Variants in MACROD1 observed in about 807,000 individuals in gnomAD.
MACROD1 encodes mono-ADP ribosylhydrolase 1.
In MACROD1, 31 loss-of-function variants were observed where a neutral mutation model predicts 41.4. That is an observed-to-expected ratio of 0.75 (90% CI 0.56 to 1.01). MACROD1 has a LOEUF of 1.01. Ranked by LOEUF, MACROD1 falls within the 50% of genes least tolerant of loss-of-function variation. MACROD1 has a pLI of 0.00. For missense variants in MACROD1, 473 were observed against 460.0 expected, an observed-to-expected ratio of 1.03 and a Z score of -0.26; for synonymous variants, 252 against 203.4, an observed-to-expected ratio of 1.24 and a Z score of -2.03.
intron 3 of MACROD1, among the ~76,000 whole-genome samples, chr11:64,112,862 G>A (rs1215063788): frequency 6.6e-6 from 1 of 152,238 alleles, no homozygotes; most frequent in Non-Finnish European, 1.5e-5. Context: ...CCTGGGCAGA[G>A]ACCCTGTAAG....
intron 3 of MACROD1, among the ~76,000 whole-genome samples, chr11:64,098,967 T>C (rs1218968100): frequency 6.6e-6 from 1 of 152,234 alleles, no homozygotes; most frequent in Admixed American, 6.5e-5. Flanking sequence ...TAGGAATTAA[T>C]ATCAGAGAGC....
intron 3 of MACROD1, among the ~76,000 whole-genome samples, chr11:64,100,293 T>C (rs1944649290): frequency 6.6e-6 from 1 of 152,238 alleles, no homozygotes; most frequent in Non-Finnish European, 1.5e-5. Context: ...CTTGGCTTTC[T>C]TTCCCTCCTT....
At chr11:64,054,251 G>GA (rs368964460) in intron 3 of MACROD1, among the ~76,000 whole-genome samples, 7 of 152,214 alleles carry the variant, frequency 4.6e-5, no homozygotes, top group African/African-American at 1.7e-4. Context: ...CCTGCTTCAG[G>GA]AGACAGTTGG....
chr11:64,010,090 T>TTGGGGTGTTGGTTGGGGGGGTGGC (rs1565192900), intron 4 of MACROD1, among the ~76,000 whole-genome samples: 3 of 71,296 alleles, frequency 4.2e-5, no homozygotes, highest in Non-Finnish European at 7.0e-5. Context: ...AGGGTGTTGG[T>TTGGGGTGTTGGTTGGGGGGGTGGC]TGGGGTGTTG....
At position 64,081,805 on chromosome 11, in the gene MACROD1, G is replaced by A. The variant is rs553424156; in HGVS notation, c.518-66524C>T. On this transcript the variant is annotated intron_variant, in intron 3 of 10. Coordinates refer to ENST00000255681, the MANE Select transcript of MACROD1 (RefSeq NM_014067.4). ...TCCTCCACTGCCTCCTGGAGCTGCCGGAGAGAGGTCCGGGTCCGTTCTCCC... is the reference window on the plus strand; with the variant it reads ...TCCTCCACTGCCTCCTGGAGCTGCCAGAGAGAGGTCCGGGTCCGTTCTCCC... 8 of 152,208 alleles carry A rather than the reference G, an allele frequency of 5.3e-5. No homozygotes were observed. In the East Asian group the frequency reaches 5.8e-4, roughly 11 times the overall value. The allele number at this position is 152,208 out of a possible 1,614,324, so 9.4% of individuals were successfully genotyped here.
chr11:64,132,822 G>C (rs1945284129), intron 3 of MACROD1, among the ~76,000 whole-genome samples: 1 of 152,224 alleles, frequency 6.6e-6, no homozygotes, highest in African/African-American at 2.4e-5. Flanking sequence ...CCAGGCATCT[G>C]TCACCGAGCT....
At chr11:64,164,617 G>A (rs1478876847) in intron 1 of MACROD1, among the ~76,000 whole-genome samples, 2 of 152,242 alleles carry the variant, frequency 1.3e-5, no homozygotes, top group Non-Finnish European at 2.9e-5. Context: ...AGATCCTGGC[G>A]CAGGCCACAC....
rs563985558 is a variant in MACROD1 at position 64,104,213 on chromosome 11, G to C, written c.517+47026C>G. The C allele has an allele frequency of 3.3e-5, 5 of 152,486 alleles. No homozygotes were observed. The South Asian group carries it at 1.0e-3, about 32-fold the overall frequency. The allele number at this position is 152,486 out of a possible 1,614,324, so 9.4% of individuals were successfully genotyped here. A position where few individuals can be genotyped will look rare whatever the true frequency, so the allele number is the denominator to read the frequency against. ...CCCAAGGACAAGGGAAGAGGGACGCGAATTCAGAAGGGCTCCAGGGTGGGC... is the reference window on the plus strand; with the variant it reads ...CCCAAGGACAAGGGAAGAGGGACGCCAATTCAGAAGGGCTCCAGGGTGGGC... On this transcript the variant is annotated intron_variant, in intron 3 of 10. Coordinates refer to ENST00000255681, the MANE Select transcript of MACROD1 (RefSeq NM_014067.4).
intron 3 of MACROD1, among the ~76,000 whole-genome samples, chr11:64,068,290 C>A (rs1944042436): frequency 6.6e-6 from 1 of 152,238 alleles, no homozygotes; most frequent in Non-Finnish European, 1.5e-5. Context: ...GCCACCCCAA[C>A]CCCACCCAGC....
intron 3 of MACROD1, among the ~76,000 whole-genome samples, chr11:64,078,544 G>A (rs1207699163): frequency 6.6e-6 from 1 of 152,252 alleles, no homozygotes; most frequent in East Asian, 1.9e-4. Context: ...GGAGCTGTCT[G>A]GGTGGGCAGT....
intron 3 of MACROD1, among the ~76,000 whole-genome samples, chr11:64,147,264 G>A (rs112554584): frequency 6.6e-6 from 1 of 151,784 alleles, no homozygotes; most frequent in African/African-American, 2.4e-5. Flanking sequence ...TAGAGATAGG[G>A]TGCCACTGTG....
In MACROD1 at chr11:64,143,743, GACACACACATACAC is replaced by G. The variant is rs58530322; in HGVS notation, c.517+7482_517+7495del. Among the ~76,000 whole-genome samples, 635 of 71,480 alleles carry G rather than the reference GACACACACATACAC, an allele frequency of 8.9e-3. 11 individuals carry two copies. Among genetic ancestry groups the G allele is most frequent in the East Asian group, 0.058 (137 of 2,362 alleles). 46.9% of individuals were successfully genotyped at this position (71,480 alleles called of 152,430 possible). ...GGAGGTATTCCCTTCCCCCAACCCC[GACACACACATACAC>G]ACACACACACACACACACACACACA... On this transcript the variant is annotated intron_variant, in intron 3 of 10. Transcript: ENST00000255681.
intron 3 of MACROD1, among the ~76,000 whole-genome samples, chr11:64,065,683 G>T (rs1943990645): frequency 1.3e-5 from 2 of 151,838 alleles, no homozygotes; most frequent in South Asian, 4.2e-4. Context: ...CCAGCTACTT[G>T]GGAGGCTGAG....
At chr11:64,023,901 C>A (rs1441607331) in intron 3 of MACROD1, among the ~76,000 whole-genome samples, 1 of 152,228 alleles carries the variant, frequency 6.6e-6, no homozygotes, top group African/African-American at 2.4e-5. Context: ...GCGGTTCCAG[C>A]TGGCCTGGGC....
Position 64,146,496 on chromosome 11 carries a change from G to A in MACROD1, c.517+4743C>T, listed in dbSNP as rs1299722169. Reference sequence around the variant, plus strand: ...GCAGGAACCTGAGACTCTCCCGGGTGCTACCCAAGCAAGTGGCCTCAGCTG... The same window carrying A: ...GCAGGAACCTGAGACTCTCCCGGGTACTACCCAAGCAAGTGGCCTCAGCTG... On this transcript the variant is annotated intron_variant, in intron 3 of 10. Transcript: ENST00000255681. The surrounding 1 kb of genome is among the most constrained non-coding windows in gnomAD (Gnocchi z 4.7). Among the ~76,000 whole-genome samples, 3 of 152,212 alleles carry A rather than the reference G, an allele frequency of 2.0e-5. No homozygotes were observed. Among genetic ancestry groups the A allele is most frequent in the African/African-American group, 7.2e-5 (3 of 41,452 alleles).
At chr11:64,063,688 T>C (rs915261096) in intron 3 of MACROD1, among the ~76,000 whole-genome samples, 6 of 152,094 alleles carry the variant, frequency 3.9e-5, no homozygotes, top group Non-Finnish European at 8.8e-5. Context: ...CCTGGGGGTG[T>C]CAAGGGACAC....
chr11:64,029,820 G>A (rs1372269228), intron 3 of MACROD1, among the ~76,000 whole-genome samples: 1 of 152,194 alleles, frequency 6.6e-6, no homozygotes, highest in East Asian at 1.9e-4. Flanking sequence ...GTAAAGGAAG[G>A]TCTAAATCAC....
chr11:64,098,441 G>A (rs958006153), intron 3 of MACROD1, among the ~76,000 whole-genome samples: 28 of 152,174 alleles, frequency 1.8e-4, no homozygotes, highest in Admixed American at 1.1e-3. Context: ...TTACTGGAGC[G>A]GTCCTAGCCC....
chr11:64,132,183 C>T (rs1274177399), intron 3 of MACROD1, among the ~76,000 whole-genome samples: 1 of 151,996 alleles, frequency 6.6e-6, no homozygotes, highest in East Asian at 1.9e-4. Context: ...GGAACAGCCC[C>T]ACGTCCTCCA....
Sources: allele counts gnomAD v4.1 joint callset (sites outside exome capture counted in the v4.1 genomes callset), GRCh38; gene constraint gnomAD v4.1.1; non-coding constraint Gnocchi (gnomAD v3.1); transcripts MANE v1.5; gene names NCBI Gene and HGNC (gene_info 2026-07-23, HGNC 2026-07-21).